Variants in TPRG1 observed in about 807,000 individuals in gnomAD.
TPRG1 encodes the protein tumor protein p63 regulated 1, also known as tumor protein p63-regulated gene 1 protein.
In TPRG1, 29 loss-of-function variants were observed where a neutral mutation model predicts 29.3. That is an observed-to-expected ratio of 0.99 (90% confidence interval 0.74 to 1.35). The LOEUF (loss-of-function observed/expected upper bound fraction) is 1.35. TPRG1 is among the 40% of genes most tolerant of loss of function. TPRG1 has a pLI of 0.00. For missense variants in TPRG1, 327 were observed against 335.0 expected, an observed-to-expected ratio of 0.98 and a Z score of 0.19; for synonymous variants, 130 against 116.8, an observed-to-expected ratio of 1.11 and a Z score of -0.73.
chr3:189,215,562 A>G (rs558505279), intron 3 of TPRG1, among the ~76,000 whole-genome samples, 179 bp downstream of exon 3: 1 of 152,270 alleles, frequency 6.6e-6, no homozygotes. Context: ...ATGACCAGAT[A>G]TGACTCCTAT....
intron 3 of TPRG1, among the ~76,000 whole-genome samples, chr3:189,218,926 A>T (rs1736508296): frequency 6.6e-6 from 1 of 152,196 alleles, no homozygotes; most frequent in Non-Finnish European, 1.5e-5. Flanking sequence ...AGACTGGAGA[A>T]GAGACTAAGG....
chr3:189,045,720 A>G (rs956369018), intron 4 of TPRG1, among the ~76,000 whole-genome samples: 4 of 152,236 alleles, frequency 2.6e-5, no homozygotes, highest in Admixed American at 1.3e-4. Flanking sequence ...ACTGAAAGAA[A>G]TTATTTATAT....
intron 3 of TPRG1, among the ~76,000 whole-genome samples, chr3:189,234,902 G>T (rs1039206828): frequency 3.3e-5 from 5 of 152,194 alleles, no homozygotes; most frequent in African/African-American, 9.7e-5. Flanking sequence ...GTTTGAGAAG[G>T]CTTGCTGGAG....
At chr3:189,088,827 GAGTA>G (rs998091648) in intron 4 of TPRG1, among the ~76,000 whole-genome samples, 5 of 152,120 alleles carry the variant, frequency 3.3e-5, no homozygotes, top group African/African-American at 1.2e-4. Context: ...TGTGAAAATT[GAGTA>G]AGTAATATAT....
At chr3:189,291,143 C>T (rs1418207019) in intron 4 of TPRG1, among the ~76,000 whole-genome samples, 4 of 152,192 alleles carry the variant, frequency 2.6e-5, no homozygotes, top group South Asian at 2.1e-4. Flanking sequence ...CCTCGTGATC[C>T]GCCTGCCTCA....
At chr3:189,232,231 T>C (rs951882557) in intron 3 of TPRG1, among the ~76,000 whole-genome samples, 1 of 152,198 alleles carries the variant, frequency 6.6e-6, no homozygotes, top group Non-Finnish European at 1.5e-5. Flanking sequence ...GTCTGTCTTA[T>C]ACTAAGTGCA....
At chr3:189,255,484 C>A (rs998634931) in intron 4 of TPRG1, among the ~76,000 whole-genome samples, 4 of 152,050 alleles carry the variant, frequency 2.6e-5, no homozygotes, top group Admixed American at 2.0e-4. Flanking sequence ...CTGAAATTTT[C>A]TTTTTTTCTT....
At chr3:189,137,296 A>ATG (rs10525363) in intron 3 of TPRG1, among the ~76,000 whole-genome samples, 25,481 of 129,542 alleles carry the variant, frequency 0.2, 1,997 homozygotes, top group East Asian at 0.25. Context: ...AAACCCCAAA[A>ATG]TGTGTGTGTG....
chr3:189,235,306 T>C (rs1482495099), intron 3 of TPRG1, among the ~76,000 whole-genome samples: 1 of 149,056 alleles, frequency 6.7e-6, no homozygotes, highest in Non-Finnish European at 1.5e-5. Flanking sequence ...GTAAATCAGG[T>C]TTGGGTGACT....
chr3:189,182,231 G>A (rs1429081171), intron 1 of TPRG1, among the ~76,000 whole-genome samples: 2 of 152,138 alleles, frequency 1.3e-5, no homozygotes, highest in East Asian at 3.8e-4. Flanking sequence ...CATAATTGGT[G>A]TGTCCATTCT....
chr3:189,218,461 A>G (rs761304108), intron 3 of TPRG1, among the ~76,000 whole-genome samples: 14 of 152,088 alleles, frequency 9.2e-5, no homozygotes, highest in Non-Finnish European at 1.9e-4. Context: ...CTTCATGCAT[A>G]TTAACTTTTA....
chr3:189,227,713 G>C (rs1737980274), intron 3 of TPRG1, among the ~76,000 whole-genome samples: 1 of 152,140 alleles, frequency 6.6e-6, no homozygotes, highest in South Asian at 2.1e-4. Context: ...TGTGTGATTT[G>C]TAGAAAAATA....
At chr3:189,203,108 T>C (rs919414729) in intron 1 of TPRG1, among the ~76,000 whole-genome samples, 6 of 152,198 alleles carry the variant, frequency 3.9e-5, no homozygotes, top group Non-Finnish European at 5.9e-5. Flanking sequence ...TTTTAAGCTA[T>C]AATTTATGCC....
upstream of TPRG1, among the ~76,000 whole-genome samples, chr3:189,096,120 G>A (rs567955972): frequency 1.8e-4 from 28 of 152,342 alleles, 2 homozygotes; most frequent in South Asian, 5.4e-3. Flanking sequence ...AACACCAGTT[G>A]TATAGGAGGC....
At chr3:189,213,125 T>C (rs536201763) in intron 2 of TPRG1, among the ~76,000 whole-genome samples, 1 of 152,340 alleles carries the variant, frequency 6.6e-6, no homozygotes, top group Admixed American at 6.5e-5. Context: ...TTTCCTTCTA[T>C]CTGATATCAG....
chr3:189,020,010 T>G (rs1302536891), intron 3 of TPRG1, among the ~76,000 whole-genome samples: 3 of 151,660 alleles, frequency 2.0e-5, no homozygotes, highest in Non-Finnish European at 4.4e-5. Flanking sequence ...ATTTTCTAGT[T>G]TATTTGCGTA....
At chr3:189,242,347 ATTTATTAATCGT>A (rs1230348952) in intron 4 of TPRG1, among the ~76,000 whole-genome samples, 1 of 149,424 alleles carries the variant, frequency 6.7e-6, no homozygotes, top group Non-Finnish European at 1.5e-5. Flanking sequence ...GTTATTCCCC[ATTTATTAATCGT>A]TTTTTATTTA....
At chr3:189,004,691 T>G (rs1712196532) in exon 3 of TPRG1, 1 of 152,104 alleles carries the variant, frequency 6.6e-6, no homozygotes, top group Non-Finnish European at 1.5e-5. Flanking sequence ...CTGGAAAAGA[T>G]TCTTTCTCCT....
At chr3:189,097,543 G>C (rs1350917566), upstream of TPRG1, among the ~76,000 whole-genome samples, 2 of 152,076 alleles carry the variant, frequency 1.3e-5, no homozygotes, top group African/African-American at 4.8e-5. Context: ...TTCTCATTTT[G>C]TCATGGAATA....
Sources: allele counts gnomAD v4.1 joint callset (sites outside exome capture counted in the v4.1 genomes callset), GRCh38; gene constraint gnomAD v4.1.1; transcripts MANE v1.5; gene names NCBI Gene and HGNC (gene_info 2026-07-23, HGNC 2026-07-21).